PDCD6IP: variants seen among roughly 807,000 people sequenced by gnomAD.
PDCD6IP encodes programmed cell death 6-interacting protein.
PDCD6IP carries 43 observed loss-of-function variants against 103.7 expected under a neutral mutation model. That is an observed-to-expected ratio of 0.41 (90% CI 0.32 to 0.53). The LOEUF (loss-of-function observed/expected upper bound fraction) is 0.53, where lower values mean the gene tolerates loss of function less well. Ranked by LOEUF, PDCD6IP falls within the 20% of genes least tolerant of loss-of-function variation. The probability of loss-of-function intolerance (pLI) is 0.16; values close to 1 mark genes in which losing one functional copy is unlikely to be tolerated. For synonymous variants in PDCD6IP, 354 were observed against 378.7 expected, an observed-to-expected ratio of 0.93 and a Z score of 0.76; for missense variants, 871 against 1,036.7, an observed-to-expected ratio of 0.84 and a Z score of 2.20.
chr3:33,799,213 G>A, intron 1 of PDCD6IP: 1 of 408,824 alleles, frequency 2.4e-6, no homozygotes, highest in Non-Finnish European at 4.3e-6. Context: ...AGTCTGCCCT[G>A]TACTGATCTC....
At chr3:33,799,092 TGA>T (rs1696406952) in intron 1 of PDCD6IP, 155 bp downstream of exon 1, 1 of 731,378 alleles carries the variant, frequency 1.4e-6, no homozygotes, top group Admixed American at 2.9e-5. Context: ...TCTTTGCTGG[TGA>T]GCAGGACCCG....
At chr3:33,832,682 A>G (rs1281214007) in intron 7 of PDCD6IP, among the ~76,000 whole-genome samples, 2 of 152,002 alleles carry the variant, frequency 1.3e-5, no homozygotes, top group African/African-American at 2.4e-5. Context: ...ATTGGGATCT[A>G]TTTCTGCTTT....
At chr3:33,816,264 T>G (rs1227184750) in intron 3 of PDCD6IP, among the ~76,000 whole-genome samples, 2 of 152,084 alleles carry the variant, frequency 1.3e-5, no homozygotes, top group Non-Finnish European at 2.9e-5. Context: ...CCCAGCAGTT[T>G]GGGAGGCCGA....
rs764368758 is a variant in PDCD6IP, at chr3:33,828,976, C to T, written c.834+7C>T. On this transcript the variant is annotated splice_region_variant and intron_variant, in intron 7 of 17. Coordinates refer to ENST00000307296, the MANE Select transcript of PDCD6IP (RefSeq NM_013374.6). ...AGAAATTGCAAGGTTACAGGTGAGTCTCTTGGTAATAAATATTTAAGTAAC... is the reference window on the plus strand; with the variant it reads ...AGAAATTGCAAGGTTACAGGTGAGTTTCTTGGTAATAAATATTTAAGTAAC... The T allele has an allele frequency of 6.3e-7, 1 of 1,577,390 alleles. No homozygotes were observed.
chr3:33,832,157 CAAGGT>C (rs1304966262), intron 7 of PDCD6IP, among the ~76,000 whole-genome samples: 1 of 152,090 alleles, frequency 6.6e-6, no homozygotes, highest in Non-Finnish European at 1.5e-5. Flanking sequence ...CCTGGAAATC[CAAGGT>C]CAGGGTGCCA....
chr3:33,810,976 C>A, intron 1 of PDCD6IP: 1 of 271,240 alleles, frequency 3.7e-6, no homozygotes, highest in Non-Finnish European at 7.9e-6. Context: ...CAGCCATGAC[C>A]TCCAGATCAA....
intron 1 of PDCD6IP, 95 bp from the exon 2 acceptor site, chr3:33,811,977 A>G (rs927102777): frequency 1.1e-5 from 16 of 1,419,644 alleles, no homozygotes; most frequent in Middle Eastern, 1.9e-4. Flanking sequence ...CAAAGTAAGC[A>G]TGAATAATTT....
chr3:33,827,003 A>T (rs1377245723), intron 6 of PDCD6IP: 59 of 992,130 alleles, frequency 5.9e-5, no homozygotes, highest in Non-Finnish European at 7.1e-5. Context: ...GACATAAAGA[A>T]AAAAGGAAAA....
chr3:33,857,303 C>T (rs1697851479), intron 15 of PDCD6IP, among the ~76,000 whole-genome samples: 1 of 152,080 alleles, frequency 6.6e-6, no homozygotes, highest in Non-Finnish European at 1.5e-5. Context: ...GCCTCAGCTT[C>T]TTAAGTAGCT....
chr3:33,821,491 G>A (rs1029318300), intron 3 of PDCD6IP, among the ~76,000 whole-genome samples: 1 of 151,930 alleles, frequency 6.6e-6, no homozygotes, highest in Non-Finnish European at 1.5e-5. Context: ...TTTGAGAAAT[G>A]TATTTGCATG....
Position 33,865,386 on chromosome 3 carries a change from A to G in PDCD6IP, c.2388A>G (p.Pro796=), listed in dbSNP as rs764956465. 6.3e-7 allele frequency: 1 copy of G among 1,599,986 alleles called. No homozygotes were observed. The highest frequency in any genetic ancestry group is 2.3e-5 in the East Asian group (1 of 43,222). ...PSQTPGSAPP[P]QAQGPPYPTY... ...AAACGCCTGGCTCAGCTCCTCCTCC[A>G]CAGGCGCAGGGACCACCCTATCCCA... Residue 796 remains proline, a synonymous_variant, in exon 17 of 18, where the codon CCA becomes CCG. Transcript: ENST00000307296.
At chr3:33,830,640 T>A (rs1575921416) in intron 7 of PDCD6IP, among the ~76,000 whole-genome samples, 1 of 151,502 alleles carries the variant, frequency 6.6e-6, no homozygotes, top group Non-Finnish European at 1.5e-5. Flanking sequence ...ACTTGGGAGG[T>A]TGAGGTGGGA....
At chr3:33,814,144 CTTT>C (rs79094226) in intron 3 of PDCD6IP, among the ~76,000 whole-genome samples, 11 of 136,206 alleles carry the variant, frequency 8.1e-5, no homozygotes, top group Admixed American at 1.5e-4. Context: ...TCATTGGATT[CTTT>C]TTTTTTTTTT....
At chr3:33,806,231 A>G (rs955657429) in intron 1 of PDCD6IP, among the ~76,000 whole-genome samples, 8 of 152,198 alleles carry the variant, frequency 5.3e-5, no homozygotes, top group African/African-American at 1.7e-4. Flanking sequence ...TTGTTGCAAA[A>G]CAGTAATCTG....
chr3:33,813,746 A>C (rs758633467), intron 3 of PDCD6IP, 118 bp downstream of exon 3: 107 of 657,800 alleles, frequency 1.6e-4, no homozygotes, highest in Non-Finnish European at 2.6e-4. Flanking sequence ...TTTACATTTC[A>C]TTCTCTTTTT....
chr3:33,830,452 C>G (rs1407925133), intron 7 of PDCD6IP, among the ~76,000 whole-genome samples: 1 of 152,154 alleles, frequency 6.6e-6, no homozygotes. Flanking sequence ...GAAATTTAAT[C>G]TCATTTTTAA....
intron 15 of PDCD6IP, among the ~76,000 whole-genome samples, chr3:33,863,000 C>T (rs1463577716): frequency 6.6e-6 from 1 of 151,978 alleles, no homozygotes; most frequent in Non-Finnish European, 1.5e-5. Flanking sequence ...TTTTATTAAA[C>T]AATAGGAAGA....
chr3:33,821,927 T>C (rs1023988155), intron 3 of PDCD6IP, 28 bp from the exon 4 acceptor site: 9 of 1,593,150 alleles, frequency 5.6e-6, no homozygotes, highest in African/African-American at 2.7e-5. Context: ...AATAATCTGA[T>C]GAATTTTTCC....
Position 33,813,401 on chromosome 3 carries a change from A to G in PDCD6IP, c.265-158A>G, listed in dbSNP as rs571678760. The G allele has an allele frequency of 2.5e-4, 124 of 505,844 alleles. 1 individual carries two copies. Among genetic ancestry groups the G allele is most frequent in the Middle Eastern group, 2.1e-3 (4 of 1,944 alleles). The allele number at this position is 505,844 out of a possible 1,614,324, so 31.3% of individuals were successfully genotyped here. ...AGTATTTTACTTTTTTTAGATTTCA[A>G]TTTAAAAGGAGAAGGAAAGGAAGTT... On this transcript the variant is annotated intron_variant, in intron 2 of 17. Coordinates refer to ENST00000307296, the MANE Select transcript of PDCD6IP (RefSeq NM_013374.6).
Sources: gnomAD v4.1 joint callset for allele counts (sites outside exome capture counted in the v4.1 genomes callset) on GRCh38, gnomAD v4.1.1 for gene constraint, MANE v1.5 for transcripts, NCBI Gene and HGNC (gene_info 2026-07-23, HGNC 2026-07-21) for gene names.